PLAC1: variants seen among roughly 807,000 people sequenced by gnomAD.
The protein encoded by PLAC1 is placenta-specific protein 1.
For synonymous variants in PLAC1, 68 were observed against 62.1 expected (o/e 1.09, Z -0.44); for missense variants, 136 against 163.2 (o/e 0.83, Z 0.91).
chrX:134,576,226 T>C (rs1198542496), intron 2 of PLAC1, among the ~76,000 whole-genome samples: 1 of 108,985 alleles, frequency 9.2e-6, no homozygotes, highest in East Asian at 2.8e-4. Flanking sequence ...TAATTATATA[T>C]ACATATATAT....
intron 2 of PLAC1, among the ~76,000 whole-genome samples, chrX:134,723,114 T>C (rs1237467533): frequency 9.0e-6 from 1 of 111,626 alleles, no homozygotes; most frequent in East Asian, 2.8e-4. Flanking sequence ...TTTTCACAAG[T>C]AATAATTATT....
chrX:134,732,752 T>A (rs1217732695), intron 2 of PLAC1, among the ~76,000 whole-genome samples: 1 of 112,362 alleles, frequency 8.9e-6, no homozygotes, highest in Non-Finnish European at 1.9e-5. Context: ...CTTCCTTATC[T>A]GCAAGGAATA....
intron 1 of PLAC1, among the ~76,000 whole-genome samples, chrX:134,612,735 G>A (rs2078159797): frequency 8.9e-6 from 1 of 111,837 alleles, no homozygotes; most frequent in Non-Finnish European, 1.9e-5. Context: ...TTCCTTTAAA[G>A]TTCGTAAAAA....
At chrX:134,702,028 C>T (rs183421916) in intron 2 of PLAC1, among the ~76,000 whole-genome samples, 34 of 111,360 alleles carry the variant, frequency 3.1e-4, no homozygotes, top group African/African-American at 1.0e-3. Flanking sequence ...CAAAAACAAA[C>T]GAACACAATG....
chrX:134,567,868 A>C (rs1033136929), intron 2 of PLAC1, among the ~76,000 whole-genome samples: 4 of 110,530 alleles, frequency 3.6e-5, no homozygotes, highest in African/African-American at 1.3e-4. Context: ...TACTTTACAC[A>C]TTGATTGACA....
rs1427758715 is a variant in PLAC1 at position 134,600,339 on chromosome X, T to A, written c.-59+1712A>T. 5.4e-5 allele frequency among the ~76,000 whole-genome samples: 6 copies of A among 111,463 alleles called. No individual in the cohort carries two copies. The East Asian group carries it at 8.5e-4, about 16-fold the overall frequency. ...ATGTCACCAGACCTGGCTAATTTTT[T>A]AAATTTTTTGTATAATGAGGTTTTG... is the stretch of plus-strand genomic sequence containing the variant. On this transcript the variant is annotated intron_variant, in intron 2 of 2. Transcript: ENST00000359237.
intron 1 of PLAC1, among the ~76,000 whole-genome samples, chrX:134,625,897 C>T (rs2078234832): frequency 1.8e-5 from 2 of 110,985 alleles, no homozygotes; most frequent in Admixed American, 1.9e-4. Context: ...GGAAGCTCAC[C>T]TCATCCAACT....
chrX:134,689,425 G>A (rs1245223521), intron 2 of PLAC1, among the ~76,000 whole-genome samples: 4 of 111,569 alleles, frequency 3.6e-5, no homozygotes, highest in Non-Finnish European at 7.5e-5. Flanking sequence ...ATAGAGTTTT[G>A]TGTTCATGCC....
At chrX:134,758,367 C>A (rs1183993883) in intron 1 of PLAC1, among the ~76,000 whole-genome samples, 1 of 111,769 alleles carries the variant, frequency 8.9e-6, no homozygotes, top group African/African-American at 3.3e-5. Flanking sequence ...AAAAAGAAAG[C>A]TGGAAGCATC....
intron 1 of PLAC1, among the ~76,000 whole-genome samples, chrX:134,737,920 G>A (rs1483155433): frequency 8.9e-6 from 1 of 112,076 alleles, no homozygotes; most frequent in East Asian, 2.8e-4. Flanking sequence ...TGGATAAAAG[G>A]AGAATGGACA....
intron 2 of PLAC1, among the ~76,000 whole-genome samples, chrX:134,675,827 G>A (rs749087013): frequency 8.9e-6 from 1 of 111,738 alleles, no homozygotes; most frequent in South Asian, 3.8e-4. Context: ...TTCCCAGATG[G>A]ACCAGGTCAC....
chrX:134,571,468 G>A (rs2077907787), intron 2 of PLAC1, among the ~76,000 whole-genome samples: 1 of 111,033 alleles, frequency 9.0e-6, no homozygotes, highest in African/African-American at 3.3e-5. Flanking sequence ...TTAGACAGGA[G>A]GAATAAGTTC....
chrX:134,570,054 T>G lies in PLAC1; in HGVS notation c.-58-3314A>C, dbSNP rs1352274441. On this transcript the variant is annotated intron_variant, in intron 2 of 2. Transcript: ENST00000359237. ...CATGTTGGCCAGGCTGCTCTCGAAC[T>G]CCTGACCTCAGGTGATCCGCCTGCC... Among the ~76,000 whole-genome samples, 3 of 111,482 alleles carry G rather than the reference T, an allele frequency of 2.7e-5. 1 individual carries two copies. The South Asian group carries it at 1.1e-3, about 42-fold the overall frequency.
In PLAC1 at chrX:134,726,595, C is replaced by T. The variant is rs1443543159; in HGVS notation, n.174+6840G>A. Among the ~76,000 whole-genome samples, 4 of 111,007 alleles carry T rather than the reference C, an allele frequency of 3.6e-5. No individual in the cohort carries two copies. In the South Asian group the frequency reaches 1.2e-3, roughly 32 times the overall value. ...ATCCCAGCACTTTGGGAGGCCGAGG[C>T]GGCCGGATCATGAGGTCAGGAGATC... On this transcript the variant is annotated intron_variant and non_coding_transcript_variant, in intron 2 of 2. Transcript: ENST00000466797.
At chrX:134,610,501 C>T (rs769508570) in intron 1 of PLAC1, among the ~76,000 whole-genome samples, 4 of 111,655 alleles carry the variant, frequency 3.6e-5, no homozygotes, top group Non-Finnish European at 7.5e-5. Flanking sequence ...GTTAAATCCT[C>T]CCAGGAATCC....
At chrX:134,702,333 A>G (rs952221745) in intron 2 of PLAC1, among the ~76,000 whole-genome samples, 3 of 112,402 alleles carry the variant, frequency 2.7e-5, no homozygotes, top group African/African-American at 9.7e-5. Context: ...TAGCAAATAC[A>G]TGCAATCAAC....
At chrX:134,700,077 T>C (rs1335770106) in intron 2 of PLAC1, among the ~76,000 whole-genome samples, 1 of 111,692 alleles carries the variant, frequency 9.0e-6, no homozygotes, top group Non-Finnish European at 1.9e-5. Context: ...ATATCACTGC[T>C]CAGAAAGGTC....
At chrX:134,639,629 G>T (rs894202092) in intron 1 of PLAC1, among the ~76,000 whole-genome samples, 1 of 112,017 alleles carries the variant, frequency 8.9e-6, no homozygotes, top group Non-Finnish European at 1.9e-5. Context: ...GAATAATTAA[G>T]TGGCATTTAG....
chrX:134,748,406 C>T (rs768506986), intron 1 of PLAC1, among the ~76,000 whole-genome samples: 6 of 110,305 alleles, frequency 5.4e-5, no homozygotes, highest in African/African-American at 6.6e-5. Context: ...TAATTGTTCT[C>T]GAATTGCTTT....
Sources: gnomAD v4.1 joint callset for allele counts (sites outside exome capture counted in the v4.1 genomes callset) on GRCh38, gnomAD v4.1.1 for gene constraint, MANE v1.5 for transcripts, NCBI Gene and HGNC (gene_info 2026-07-23, HGNC 2026-07-21) for gene names.